The following DGKB variants were observed in gnomAD, a reference collection of about 807,000 sequenced individuals.
DGKB encodes the protein diacylglycerol kinase beta, also known as 90 kDa diacylglycerol kinase.
A neutral mutation model predicts 114.3 loss-of-function variants in DGKB; 67 were observed. The ratio of observed to expected loss-of-function variants is 0.59; its 90% CI spans 0.48 to 0.72. DGKB has a LOEUF of 0.72. Ranked by LOEUF, DGKB falls within the 30% of genes least tolerant of loss-of-function variation. The pLI is 0.00. For synonymous variants in DGKB, 398 were observed against 323.1 expected (o/e 1.23, Z -2.49); for missense variants, 907 against 975.2 (o/e 0.93, Z 0.93).
chr7:14,170,644 G>A (rs1780851619), intron 25 of DGKB, among the ~76,000 whole-genome samples: 1 of 152,106 alleles, frequency 6.6e-6, no homozygotes, highest in Non-Finnish European at 1.5e-5. Context: ...TATTTAGCAA[G>A]CGATTAAAGA....
In DGKB at chr7:14,841,355, A is replaced by G; in HGVS notation, c.-92T>C. 3 of 1,061,258 alleles carry G rather than the reference A, an allele frequency of 2.8e-6. No homozygotes were observed. The highest frequency in any genetic ancestry group is 2.8e-6 in the Non-Finnish European group (2 of 725,896). The allele number at this position is 1,061,258 out of a possible 1,614,324, so 65.7% of individuals were successfully genotyped here. On this transcript the variant is annotated 5_prime_UTR_variant, in exon 2 of 26. The change abolishes an upstream ATG in the 5' untranslated region. Coordinates refer to ENST00000402815, the MANE Select transcript of DGKB (RefSeq NM_001350709.2). The stretch of plus-strand genomic sequence containing the variant: ...CTATGCTTCAAAGATTCCACATGGC[A>G]TGTTTCATGATAAAATACCTCAGGC...
chr7:14,679,114 G>T (rs1317101360), intron 12 of DGKB, among the ~76,000 whole-genome samples: 7 of 151,950 alleles, frequency 4.6e-5, no homozygotes, highest in African/African-American at 1.4e-4. Flanking sequence ...TTCTGACTCA[G>T]ACTGGACAAC....
chr7:14,314,957 A>C (rs1294985349), intron 23 of DGKB, among the ~76,000 whole-genome samples: 2 of 151,752 alleles, frequency 1.3e-5, no homozygotes, highest in Non-Finnish European at 2.9e-5. Flanking sequence ...TACAAGCCAG[A>C]AGAGAGTGGG....
intron 2 of DGKB, among the ~76,000 whole-genome samples, chr7:14,812,031 G>C (rs1339328421): frequency 6.6e-6 from 1 of 151,980 alleles, no homozygotes; most frequent in East Asian, 1.9e-4. Flanking sequence ...CGTGTATGTG[G>C]AATCATACAT....
intron 13 of DGKB, among the ~76,000 whole-genome samples, chr7:14,644,332 C>G (rs1268045883): frequency 6.6e-6 from 1 of 151,990 alleles, no homozygotes; most frequent in African/African-American, 2.4e-5. Flanking sequence ...TAAAACATAA[C>G]ACCTCTAAAG....
At chr7:14,233,864 G>C (rs996300342) in intron 23 of DGKB, among the ~76,000 whole-genome samples, 2 of 152,010 alleles carry the variant, frequency 1.3e-5, no homozygotes, top group African/African-American at 4.8e-5. Context: ...GAGAGTGAGA[G>C]AAAGCCGGAA....
At chr7:14,617,077 C>A (rs1305604898) in intron 15 of DGKB, among the ~76,000 whole-genome samples, 1 of 151,618 alleles carries the variant, frequency 6.6e-6, no homozygotes, top group Non-Finnish European at 1.5e-5. Flanking sequence ...GATCCCAGTT[C>A]AATCACTTCT....
intron 21 of DGKB, among the ~76,000 whole-genome samples, chr7:14,477,215 A>G (rs375347064): frequency 8.0e-4 from 122 of 152,338 alleles, no homozygotes; most frequent in African/African-American, 2.7e-3. Flanking sequence ...GTGAACCTAC[A>G]TGGGAGAAGA....
chr7:14,415,352 G>T (rs1230069606), intron 21 of DGKB, among the ~76,000 whole-genome samples: 1 of 151,912 alleles, frequency 6.6e-6, no homozygotes, highest in African/African-American at 2.4e-5. Context: ...CATGTGCCAT[G>T]TTGGTGTGCT....
chr7:14,443,841 G>T (rs953319284), intron 21 of DGKB, among the ~76,000 whole-genome samples: 9 of 151,922 alleles, frequency 5.9e-5, no homozygotes, highest in Non-Finnish European at 1.2e-4. Flanking sequence ...TGTAAATTCA[G>T]CAACATTTTT....
chr7:14,494,845 A>G (rs1439378298), intron 20 of DGKB, among the ~76,000 whole-genome samples: 1 of 151,918 alleles, frequency 6.6e-6, no homozygotes, highest in Non-Finnish European at 1.5e-5. Context: ...TTAAAAAAAT[A>G]CATACACTTG....
intron 25 of DGKB, among the ~76,000 whole-genome samples, chr7:14,169,058 T>C (rs1780418060): frequency 6.6e-6 from 1 of 151,904 alleles, no homozygotes; most frequent in Admixed American, 6.6e-5. Context: ...TAAGACTAGA[T>C]GAAAGAAATG....
chr7:14,345,230 A>G lies in DGKB; in HGVS notation c.1926+71T>C, dbSNP rs1032367957. ...TATATATTTCATTCCATGGGCTCCA[A>G]TGCAAATATACTAACAACAAAGCTC... On this transcript the variant is annotated intron_variant, in intron 22 of 25. Transcript: ENST00000402815. 31 of 836,008 alleles carry G rather than the reference A, an allele frequency of 3.7e-5. No individual in the cohort carries two copies. In the East Asian group the frequency reaches 4.6e-4, roughly 12 times the overall value. 51.8% of individuals were successfully genotyped at this position (836,008 alleles called of 1,614,324 possible).
chr7:14,922,384 G>GTGTA (rs201158765), intron 1 of DGKB, among the ~76,000 whole-genome samples: 2 of 146,864 alleles, frequency 1.4e-5, no homozygotes, highest in African/African-American at 2.6e-5. Context: ...TCGTGTGTGT[G>GTGTA]TGTGTGTGTG....
chr7:14,772,018 A>T (rs762774869), intron 2 of DGKB, among the ~76,000 whole-genome samples: 26 of 152,166 alleles, frequency 1.7e-4, no homozygotes, highest in Admixed American at 1.2e-3. Flanking sequence ...ATTGTCAACC[A>T]GAAAATGTTT....
Position 14,574,249 on chromosome 7 carries a change from G to A in DGKB, c.1733C>T (p.Pro578Leu). Reference protein sequence around the residue: ...NDKDEKGDPVPYSIINNYFSI... With the variant: ...NDKDEKGDPVLYSIINNYFSI... ...AAAGTAATTATTGATGATACTGTAA[G>A]GCACTGGGTCTCCTTTCTCATCTTT... is the stretch of plus-strand genomic sequence containing the variant. Residue 578 changes from proline to leucine, a missense_variant, in exon 20 of 26, where the codon CCT becomes CTT. Physicochemically the swap from Pro to Leu is moderately conservative, Grantham distance 98. This residue lies in a region of DGKB where 814 missense variants were observed against 856.6 expected (regional missense o/e 0.95). Transcript: ENST00000402815. 1 of 1,613,372 alleles carries A rather than the reference G, an allele frequency of 6.2e-7. No individual in the cohort carries two copies. Among genetic ancestry groups the A allele is most frequent in the Non-Finnish European group, 8.5e-7 (1 of 1,179,568 alleles).
intron 25 of DGKB, among the ~76,000 whole-genome samples, chr7:14,158,242 TTCTA>T (rs1464732127): frequency 6.6e-6 from 1 of 152,220 alleles, no homozygotes; most frequent in Non-Finnish European, 1.5e-5. Context: ...CTAACCCCTC[TTCTA>T]TCTGAGACAA....
At chr7:14,861,477 C>T (rs1373526153) in intron 1 of DGKB, among the ~76,000 whole-genome samples, 2 of 151,596 alleles carry the variant, frequency 1.3e-5, no homozygotes, top group East Asian at 1.9e-4. Context: ...ATACATTGTA[C>T]ATATAGGAAA....
Position 14,441,760 on chromosome 7 carries a change from T to C in DGKB, c.1835+36401A>G, listed in dbSNP as rs75896944. Among the ~76,000 whole-genome samples the C allele has an allele frequency of 2.0e-3, 302 of 152,224 alleles. 1 individual carries two copies. Among genetic ancestry groups the C allele is most frequent in the Non-Finnish European group, 3.4e-3 (230 of 67,974 alleles). On this transcript the variant is annotated intron_variant, in intron 21 of 25. Coordinates refer to ENST00000402815, the MANE Select transcript of DGKB (RefSeq NM_001350709.2). ...TTGCTAAAGTTTTTTTGTACTGTTA[T>C]ATGTTTTTTGCTCTCTTATCAACTG...
Sources: allele counts gnomAD v4.1 joint callset (sites outside exome capture counted in the v4.1 genomes callset), GRCh38; gene constraint gnomAD v4.1.1; regional missense constraint gnomAD v4.1.1; transcripts MANE v1.5; gene names NCBI Gene and HGNC (gene_info 2026-07-23, HGNC 2026-07-21).